ARHGAP26: variants seen among roughly 807,000 people sequenced by gnomAD.
The protein encoded by ARHGAP26 is Rho GTPase activating protein 26.
ARHGAP26 carries 38 observed loss-of-function variants against 104.8 expected under a neutral mutation model. The ratio of observed to expected loss-of-function variants is 0.36; its 90% CI spans 0.28 to 0.48. ARHGAP26 has a LOEUF of 0.48. ARHGAP26 is among the 20% of genes least tolerant of loss of function. The probability of loss-of-function intolerance (pLI) is 0.99; values close to 1 mark genes in which losing one functional copy is unlikely to be tolerated. For missense variants in ARHGAP26, 704 were observed against 947.9 expected, an observed-to-expected ratio of 0.74 and a Z score of 3.38; for synonymous variants, 341 against 340.0, an observed-to-expected ratio of 1.00 and a Z score of -0.03.
chr5:142,786,067 C>T (rs1004874579), intron 1 of ARHGAP26, among the ~76,000 whole-genome samples: 9 of 151,830 alleles, frequency 5.9e-5, no homozygotes, highest in Admixed American at 1.3e-4. Context: ...GACTTCTGGG[C>T]ACAAGCAATC....
intron 20 of ARHGAP26, among the ~76,000 whole-genome samples, chr5:143,150,096 T>A (rs972144979): frequency 1.3e-5 from 2 of 152,252 alleles, no homozygotes; most frequent in African/African-American, 4.8e-5. Context: ...TCATTCTACC[T>A]GTGCCAGGGC....
At chr5:143,077,396 A>T (rs1408421894) in intron 17 of ARHGAP26, among the ~76,000 whole-genome samples, 1 of 152,162 alleles carries the variant, frequency 6.6e-6, no homozygotes, top group Non-Finnish European at 1.5e-5. Flanking sequence ...GCTGATGTTG[A>T]ACCACCCAGA....
At chr5:143,102,164 A>G (rs1223751289) in intron 17 of ARHGAP26, among the ~76,000 whole-genome samples, 1 of 152,136 alleles carries the variant, frequency 6.6e-6, no homozygotes, top group Non-Finnish European at 1.5e-5. Context: ...TCTACATCTC[A>G]CAGAGAACCC....
At chr5:142,955,380 G>T (rs547005475) in intron 11 of ARHGAP26, among the ~76,000 whole-genome samples, 42 of 152,146 alleles carry the variant, frequency 2.8e-4, no homozygotes, top group Non-Finnish European at 5.6e-4. Flanking sequence ...AGGTGTTTGA[G>T]AAACGAGGAA....
chr5:142,773,680 C>G (rs1597555270), intron 1 of ARHGAP26, among the ~76,000 whole-genome samples: 1 of 152,224 alleles, frequency 6.6e-6, no homozygotes, highest in African/African-American at 2.4e-5. Context: ...CTTTCTCCAT[C>G]ACGGGCTTTG....
chr5:143,215,310 A>G (rs1048580805), intron 22 of ARHGAP26, among the ~76,000 whole-genome samples: 4 of 152,254 alleles, frequency 2.6e-5, no homozygotes, highest in African/African-American at 4.8e-5. Flanking sequence ...GCAGGGGATC[A>G]TCATGTTTCT....
chr5:142,867,292 T>G (rs970782043), intron 1 of ARHGAP26, among the ~76,000 whole-genome samples: 1 of 85,846 alleles, frequency 1.2e-5, no homozygotes, highest in Non-Finnish European at 2.2e-5. Context: ...GCACAGGGTG[T>G]GTGTGTGTGT....
chr5:142,780,319 G>A (rs1478039157), intron 1 of ARHGAP26, among the ~76,000 whole-genome samples: 1 of 152,062 alleles, frequency 6.6e-6, no homozygotes, highest in Non-Finnish European at 1.5e-5. Context: ...GAACATCCTG[G>A]CACCTCTGGC....
rs111652919 is a variant in ARHGAP26, at chr5:142,913,187, T to C, written c.934-12T>C. The C allele has an allele frequency of 1.2e-6, 2 of 1,612,266 alleles. No individual in the cohort carries two copies. Among genetic ancestry groups the C allele is most frequent in the Non-Finnish European group, 1.7e-6 (2 of 1,178,330 alleles). On this transcript the variant is annotated splice_polypyrimidine_tract_variant and intron_variant, in intron 9 of 22. Coordinates refer to ENST00000645722, the MANE Select transcript of ARHGAP26 (RefSeq NM_001135608.3). ...TCTGGCCTCATCTTGATAGTCTGTG[T>C]GTTCCCACTAGGGAGAAGATGAATC...
At chr5:142,778,332 C>A in intron 1 of ARHGAP26, among the ~76,000 whole-genome samples, 1 of 152,184 alleles carries the variant, frequency 6.6e-6, no homozygotes, top group African/African-American at 2.4e-5. Flanking sequence ...TGAATACATT[C>A]TCATGCAAGC....
intron 4 of ARHGAP26, among the ~76,000 whole-genome samples, chr5:142,881,713 A>G (rs1253079403): frequency 1.3e-5 from 2 of 152,166 alleles, no homozygotes; most frequent in Non-Finnish European, 2.9e-5. Flanking sequence ...TTAAGAGACA[A>G]CAAACAAGCA....
At chr5:142,844,906 C>T (rs772808521) in intron 1 of ARHGAP26, among the ~76,000 whole-genome samples, 34 of 152,074 alleles carry the variant, frequency 2.2e-4, no homozygotes, top group Non-Finnish European at 2.8e-4. Flanking sequence ...TGGTAGCCCC[C>T]GTTTTGCAGG....
At chr5:143,030,309 G>C (rs2152857925) in intron 12 of ARHGAP26, among the ~76,000 whole-genome samples, 1 of 152,282 alleles carries the variant, frequency 6.6e-6, no homozygotes, top group South Asian at 2.1e-4. Flanking sequence ...AGATGGCCGA[G>C]TTAGTGTAAT....
chr5:143,041,570 C>T (rs537716655), intron 13 of ARHGAP26: 6 of 384,610 alleles, frequency 1.6e-5, no homozygotes, highest in South Asian at 1.5e-4. Flanking sequence ...AAGCTTCTTT[C>T]GCCGCTGATG....
Position 143,214,079 on chromosome 5 carries a change from T to C in ARHGAP26, c.2182T>C (p.Phe728Leu). 7.2e-7 allele frequency: 1 copy of C among 1,387,366 alleles called. No homozygotes were observed. The highest frequency in any genetic ancestry group is 9.7e-7 in the Non-Finnish European group (1 of 1,034,226). The allele number at this position is 1,387,366 out of a possible 1,614,324, so 85.9% of individuals were successfully genotyped here. A position where few individuals can be genotyped will look rare whatever the true frequency, so the allele number is the denominator to read the frequency against. ...SELSFTAGTV[F>L]DNVHPSQEPG... is the part of the protein sequence containing the mutation. ...ACTTTCGTTCACAGCAGGCACGGTC[T>C]TCGATAACGGTGAGTTTCTCATCCC... is the stretch of plus-strand genomic sequence containing the variant. The change falls in exon 22 of 23, where the codon TTC becomes CTC. Residue 728 changes from phenylalanine (F) to leucine (L), a missense_variant. Phe to Leu is a conservative substitution (Grantham distance 22, BLOSUM62 0). Coordinates refer to ENST00000645722, the MANE Select transcript of ARHGAP26 (RefSeq NM_001135608.3).
intron 20 of ARHGAP26, among the ~76,000 whole-genome samples, chr5:143,171,412 A>G (rs1802752772): frequency 6.6e-6 from 1 of 152,088 alleles, no homozygotes; most frequent in Non-Finnish European, 1.5e-5. Context: ...CGCACTTGAG[A>G]TCTTGAGATT....
intron 1 of ARHGAP26, among the ~76,000 whole-genome samples, chr5:142,825,151 G>A (rs887986140): frequency 1.3e-5 from 2 of 152,210 alleles, no homozygotes; most frequent in African/African-American, 4.8e-5. Flanking sequence ...TAATAACAGT[G>A]CCTCCTTTAC....
chr5:142,832,124 A>T (rs548439954), intron 1 of ARHGAP26, among the ~76,000 whole-genome samples: 2 of 152,310 alleles, frequency 1.3e-5, no homozygotes, highest in East Asian at 3.9e-4. Context: ...ATGGTCACAG[A>T]TAATAGTCTA....
chr5:142,809,328 A>T (rs452120), intron 1 of ARHGAP26, among the ~76,000 whole-genome samples: 25,178 of 152,216 alleles, frequency 0.17, 2,681 homozygotes, highest in East Asian at 0.41. Context: ...CTGTAAATAA[A>T]AGTTCCCCAA....
Sources: gnomAD v4.1 joint callset for allele counts (sites outside exome capture counted in the v4.1 genomes callset) on GRCh38, gnomAD v4.1.1 for gene constraint, MANE v1.5 for transcripts, NCBI Gene and HGNC (gene_info 2026-07-23, HGNC 2026-07-21) for gene names.